MX1: variants seen among roughly 807,000 people sequenced by gnomAD.
MX1 encodes the protein MX dynamin like GTPase 1.
A neutral mutation model predicts 66.4 loss-of-function variants in MX1; 66 were observed. The ratio of observed to expected loss-of-function variants is 0.99; its 90% confidence interval spans 0.82 to 1.22. MX1 has a LOEUF of 1.22. Ranked by LOEUF, MX1 falls within the 50% of genes most tolerant of loss-of-function variation. The pLI is 0.00. For synonymous variants in MX1, 311 were observed against 318.1 expected (o/e 0.98, Z 0.24); for missense variants, 787 against 834.3 (o/e 0.94, Z 0.70).
At position 41,435,945 on chromosome 21, in the gene MX1, G is replaced by A. The variant is rs367851806; in HGVS notation, c.214G>A (p.Ala72Thr). The change falls in exon 6 of 17, where the codon GCC (alanine) becomes ACC (threonine). Residue 72 changes from alanine (A) to threonine (T), a missense_variant. Transcript: ENST00000398598. ...LGVEQDLALP[A>T]IAVIGDQSSG... ...TGTGGAGCAGGACCTGGCCCTGCCA[G>A]CCATCGCCGTCATCGGGGACCAGAG... The A allele has an allele frequency of 6.2e-7, 1 of 1,614,112 alleles. No homozygotes were observed. Among genetic ancestry groups the A allele is most frequent in the Non-Finnish European group, 8.5e-7 (1 of 1,180,042 alleles).
chr21:41,422,706 G>C (rs1007932129), upstream of MX1: 24 of 152,208 alleles, frequency 1.6e-4, no homozygotes, highest in African/African-American at 4.6e-4. Context: ...CTGCAATTCA[G>C]GTGGGAGGTT....
rs141340315 is a variant in MX1 at position 41,434,672 on chromosome 21, A to G, written c.106-1165A>G. Among the ~76,000 whole-genome samples the G allele has an allele frequency of 7.7e-3, 1,179 of 152,298 alleles. 10 individuals are homozygous for G. The highest frequency in any genetic ancestry group is 0.026 in the African/African-American group (1,092 of 41,554). ...CAAGTGATAGTCTGTCACTTCATGTATAGTGCGAGAACCTTAGAATAGTGT... is the reference window on the plus strand; with the variant it reads ...CAAGTGATAGTCTGTCACTTCATGTGTAGTGCGAGAACCTTAGAATAGTGT... On this transcript the variant is annotated intron_variant, in intron 5 of 16. Coordinates refer to ENST00000398598, the MANE Select transcript of MX1 (RefSeq NM_002462.5).
Position 41,441,606 on chromosome 21 carries a change from TCAA to T in MX1, c.731-109_731-107del. ...GTTCTGCAGGGGCTATGGCCTGTCC[TCAA>T]GCAAGGATGGGAGGAAACCCTGGGA... On this transcript the variant is annotated intron_variant, in intron 9 of 16. Transcript: ENST00000398598. This position sits in a 1 kb window ranked among gnomAD's most constrained non-coding sequence, Gnocchi z 4.0. 3 of 1,166,560 alleles carry T rather than the reference TCAA, an allele frequency of 2.6e-6. No homozygotes were observed. The highest frequency in any genetic ancestry group is 1.3e-6 in the Non-Finnish European group (1 of 783,958). The allele number at this position is 1,166,560 out of a possible 1,614,324, so 72.3% of individuals were successfully genotyped here.
intron 6 of MX1, among the ~76,000 whole-genome samples, chr21:41,436,533 G>A (rs1214620358): frequency 6.6e-6 from 1 of 152,212 alleles, no homozygotes; most frequent in African/African-American, 2.4e-5. Context: ...GTCTCAAAGA[G>A]TTCAGGCCTG....
chr21:41,437,211 G>A (rs1341473115), intron 7 of MX1, 59 bp downstream of exon 7: 40 of 1,595,282 alleles, frequency 2.5e-5, no homozygotes, highest in Middle Eastern at 3.3e-4. Flanking sequence ...GGGTCTGTTT[G>A]TAACTGTTCA....
chr21:41,456,738 A>G (rs151162571), intron 16 of MX1, among the ~76,000 whole-genome samples: 3 of 150,180 alleles, frequency 2.0e-5, no homozygotes, highest in African/African-American at 7.4e-5. Flanking sequence ...TTTAGTCTGC[A>G]CTAAAGTTGT....
At chr21:41,436,993 T>A (rs1488303981) in intron 6 of MX1, 22 bp from the exon 7 acceptor site, 1 of 1,613,234 alleles carries the variant, frequency 6.2e-7, no homozygotes, top group African/African-American at 1.3e-5. Context: ...AGTGGAGCAC[T>A]GATGTGGGCG....
chr21:41,458,427 C>T, intron 16 of MX1, 101 bp from the exon 17 acceptor site: 1 of 1,277,062 alleles, frequency 7.8e-7, no homozygotes, highest in East Asian at 2.9e-5. Flanking sequence ...GAGGGTCTCC[C>T]TCATTGAGAA....
rs748157229 is a variant in MX1 at position 41,449,232 on chromosome 21, A to G, written c.1369A>G (p.Ile457Val). 3 of 1,614,084 alleles carry G rather than the reference A, an allele frequency of 1.9e-6. No individual in the cohort carries two copies. Among genetic ancestry groups the G allele is most frequent in the Admixed American group, 1.7e-5 (1 of 60,010 alleles). The change falls in exon 14 of 17, where the codon ATC becomes GTC. Residue 457 changes from isoleucine to valine, a missense_variant. Transcript: ENST00000398598. ...GFVNYRTFET[I>V]VKQQIKALEE... ...TGTGAATTACAGGACATTTGAGACA[A>G]TCGTGAAACAGCAAATCAAGGCACT...
At chr21:41,428,440 C>T (rs1189228926) in intron 3 of MX1, 1 of 152,284 alleles carries the variant, frequency 6.6e-6, no homozygotes, top group Non-Finnish European at 1.5e-5. Flanking sequence ...GACAGCCACT[C>T]CAGGGAGTCC....
At chr21:41,452,551 T>C in intron 15 of MX1, 70 bp from the exon 16 acceptor site, 2 of 1,521,072 alleles carry the variant, frequency 1.3e-6, no homozygotes, top group Non-Finnish European at 1.8e-6. Context: ...TACGGACTTC[T>C]TACCTACTTT....
At chr21:41,446,314 C>T (rs1251560467) in intron 13 of MX1, among the ~76,000 whole-genome samples, 173 bp downstream of exon 13, 1 of 152,192 alleles carries the variant, frequency 6.6e-6, no homozygotes, top group Non-Finnish European at 1.5e-5. Flanking sequence ...AAGATGGCAC[C>T]TTCTAGCTGT....
chr21:41,421,553 T>A (rs1011540282), upstream of MX1, among the ~76,000 whole-genome samples: 5 of 152,254 alleles, frequency 3.3e-5, no homozygotes, highest in African/African-American at 4.8e-5. Context: ...GCAGTGTTTG[T>A]GTCCCTGGGT....
intron 12 of MX1, 67 bp downstream of exon 12, chr21:41,445,637 T>C: frequency 6.3e-7 from 1 of 1,599,546 alleles, no homozygotes; most frequent in Non-Finnish European, 8.5e-7. Flanking sequence ...ACCCTGGGCC[T>C]TATGCACTTC....
At chr21:41,442,939 A>G (rs468747) in intron 10 of MX1, among the ~76,000 whole-genome samples, 75,144 of 152,048 alleles carry the variant, frequency 0.49, 19,601 homozygotes, top group Non-Finnish European at 0.59. Flanking sequence ...AATGATGGGC[A>G]CCAGGGGCTG....
chr21:41,423,121 C>G (rs539599816), upstream of MX1: 1 of 153,540 alleles, frequency 6.5e-6, no homozygotes, highest in East Asian at 1.9e-4. Flanking sequence ...CTTAGACATG[C>G]GGGAACAATG....
At chr21:41,433,712 A>G (rs1285177702) in intron 5 of MX1, among the ~76,000 whole-genome samples, 1 of 152,196 alleles carries the variant, frequency 6.6e-6, no homozygotes, top group Non-Finnish European at 1.5e-5. Context: ...CTGGAGGTGA[A>G]GGAGTTGACC....
chr21:41,456,607 T>C (rs1002618753), intron 16 of MX1, among the ~76,000 whole-genome samples: 2 of 152,212 alleles, frequency 1.3e-5, no homozygotes, highest in African/African-American at 4.8e-5. Context: ...ATGGAATCAC[T>C]GGGGACTCGA....
At chr21:41,432,616 C>A (rs1375599053) in intron 5 of MX1, among the ~76,000 whole-genome samples, 1 of 152,182 alleles carries the variant, frequency 6.6e-6, no homozygotes, top group African/African-American at 2.4e-5. Context: ...CAATCATGGC[C>A]CCTGGAATCA....
Sources: allele counts gnomAD v4.1 joint callset (sites outside exome capture counted in the v4.1 genomes callset), GRCh38; gene constraint gnomAD v4.1.1; non-coding constraint Gnocchi (gnomAD v3.1); transcripts MANE v1.5; gene names NCBI Gene and HGNC (gene_info 2026-07-23, HGNC 2026-07-21).